KPNA7: variants seen among roughly 807,000 people sequenced by gnomAD.
KPNA7 encodes the protein importin subunit alpha-8.
Under a neutral mutation model 53.7 loss-of-function variants are expected in KPNA7, and 54 were observed. The ratio of observed to expected loss-of-function variants is 1.01; its 90% CI spans 0.81 to 1.26. The LOEUF is 1.26. Ranked by LOEUF, KPNA7 falls within the 50% of genes most tolerant of loss-of-function variation. KPNA7 has a pLI of 0.00. For synonymous variants in KPNA7, 276 were observed against 259.3 expected (o/e 1.06, Z -0.62); for missense variants, 640 against 644.5 (o/e 0.99, Z 0.07).
intron 10 of KPNA7, among the ~76,000 whole-genome samples, chr7:99,177,218 A>AG (rs965295854): frequency 1.3e-5 from 2 of 152,202 alleles, no homozygotes; most frequent in African/African-American, 4.8e-5. Context: ...TAAAAGGGCT[A>AG]GGGGAAAGGT....
intron 3 of KPNA7, among the ~76,000 whole-genome samples, chr7:99,201,511 A>C (rs1790532473): frequency 6.6e-6 from 1 of 151,664 alleles, no homozygotes; most frequent in Non-Finnish European, 1.5e-5. Flanking sequence ...AAAATACAAA[A>C]AATTAGTTGG....
In KPNA7 at chr7:99,181,005, CTCTCTCTCTGTGTGTGTG is replaced by C. The variant is rs1270266313; in HGVS notation, c.1317+860_1317+877del. Among the ~76,000 whole-genome samples the C allele has an allele frequency of 5.6e-4, 17 of 30,500 alleles. 2 individuals carry two copies. The highest frequency in any genetic ancestry group is 1.8e-3 in the African/African-American group (17 of 9,682). 20.0% of individuals were successfully genotyped at this position (30,500 alleles called of 152,430 possible). ...TGTGTCTCTCTCTCCCCGTCTGTCTCTCTCTCTCTGTGTGTGTGTCTCTCTGTGTGTGTCTCTCTCTCT... is the reference window on the plus strand; with the variant it reads ...TGTGTCTCTCTCTCCCCGTCTGTCTCTCTCTCTGTGTGTGTCTCTCTCTCT... On this transcript the variant is annotated intron_variant, in intron 9 of 10. Transcript: ENST00000327442.
intron 1 of KPNA7, among the ~76,000 whole-genome samples, chr7:99,217,347 A>G (rs1791240908): frequency 6.6e-6 from 1 of 152,186 alleles, no homozygotes; most frequent in South Asian, 2.1e-4. Flanking sequence ...CTGTATGTTC[A>G]GATCTGCATC....
chr7:99,195,054 A>C lies in KPNA7; in HGVS notation c.553+16T>G, dbSNP rs1790153837. 2 of 1,549,884 alleles carry C rather than the reference A, an allele frequency of 1.3e-6. No individual in the cohort carries two copies. The highest frequency in any genetic ancestry group is 8.7e-7 in the Non-Finnish European group (1 of 1,145,662). ...CCTGGCCCCGTTTTCTTAGCCCACT[A>C]AGGGGAGAGTCTCACCGGCTATATT... On this transcript the variant is annotated intron_variant, in intron 5 of 10. Coordinates refer to ENST00000327442, the MANE Select transcript of KPNA7 (RefSeq NM_001145715.3).
chr7:99,165,115 T>C, the KPNA7 span, among the ~76,000 whole-genome samples: 1 of 152,142 alleles, frequency 6.6e-6, no homozygotes, highest in Admixed American at 6.6e-5. Context: ...CACTCCAGCC[T>C]GGGCGACAGA....
At chr7:99,219,129 G>A (rs527272363) in intron 1 of KPNA7, among the ~76,000 whole-genome samples, 1 of 152,330 alleles carries the variant, frequency 6.6e-6, no homozygotes, top group South Asian at 2.1e-4. Flanking sequence ...AGCCCGCCCC[G>A]GGCAAGAGGC....
rs190721123 is a variant in KPNA7 at position 99,217,532 on chromosome 7, G to C, written c.-23-10043C>G. ...CACAAGCTGAGGCTAGCTGGGGTTG[G>C]GGGTGGAGAGGGAAGGTAAAGTGTC... is the stretch of plus-strand genomic sequence containing the variant. On this transcript the variant is annotated intron_variant, in intron 1 of 10. Coordinates refer to the KPNA7 transcript ENST00000681060. Among the ~76,000 whole-genome samples the C allele has an allele frequency of 1.8e-4, 28 of 152,118 alleles. 1 individual carries two copies. In the East Asian group the frequency reaches 5.4e-3, roughly 29 times the overall value.
the KPNA7 span, among the ~76,000 whole-genome samples, chr7:99,150,423 C>CTTTTTT: frequency 6.8e-5 from 9 of 132,432 alleles, 2 homozygotes; most frequent in Non-Finnish European, 1.1e-4. Context: ...TCATTCTTCT[C>CTTTTTT]TTTTTTTTGA....
rs111393769 is a variant in KPNA7, at chr7:99,201,662, C to CA, written c.201+1443dup. ...TGGGCGACAGAGTGAGACTCTGTCT[C>CA]AAAAAAAAAAAGCTAATATGGGACC... On this transcript the variant is annotated intron_variant, in intron 3 of 10. Transcript: ENST00000327442. Among the ~76,000 whole-genome samples the CA allele has an allele frequency of 7.5e-3, 916 of 122,866 alleles. 10 individuals carry two copies. The highest frequency in any genetic ancestry group is 0.022 in the African/African-American group (748 of 33,442). 80.6% of individuals were successfully genotyped at this position (122,866 alleles called of 152,430 possible).
chr7:99,166,346 G>A, the KPNA7 span, among the ~76,000 whole-genome samples: 1 of 151,970 alleles, frequency 6.6e-6, no homozygotes, highest in African/African-American at 2.4e-5. Context: ...TTTTGAGATG[G>A]TCTCCGTCAT....
chr7:99,208,588 T>G (rs1790938274), upstream of KPNA7, among the ~76,000 whole-genome samples: 1 of 151,346 alleles, frequency 6.6e-6, no homozygotes, highest in African/African-American at 2.4e-5. Context: ...TGTTTGTTTT[T>G]GTAGAGTCGG....
the KPNA7 span, among the ~76,000 whole-genome samples, chr7:99,146,756 A>C: frequency 1.4e-5 from 2 of 147,648 alleles, no homozygotes; most frequent in South Asian, 2.1e-4. Flanking sequence ...AAACAACGGA[A>C]AATGCATTTA....
intron 10 of KPNA7, among the ~76,000 whole-genome samples, chr7:99,176,104 C>T (rs375764264): frequency 5.1e-4 from 78 of 151,804 alleles, no homozygotes; most frequent in Middle Eastern, 3.4e-3. Flanking sequence ...CAAGACCATC[C>T]TGGCTAACAC....
the KPNA7 span, among the ~76,000 whole-genome samples, chr7:99,157,895 C>T: frequency 6.6e-6 from 1 of 152,130 alleles, no homozygotes; most frequent in Admixed American, 6.6e-5. Context: ...CCACCTCAGC[C>T]TCCTGAGTAG....
upstream of KPNA7, among the ~76,000 whole-genome samples, chr7:99,208,413 G>A (rs1428081301): frequency 4.6e-5 from 7 of 151,958 alleles, no homozygotes; most frequent in East Asian, 3.9e-4. Flanking sequence ...CTGCCACCAC[G>A]CTCAGCAAAT....
chr7:99,173,114 T>C (rs1005175172), downstream of KPNA7, among the ~76,000 whole-genome samples: 17 of 150,078 alleles, frequency 1.1e-4, no homozygotes, highest in Non-Finnish European at 2.1e-4. Flanking sequence ...CGGATAACTA[T>C]AAGACCATTC....
chr7:99,201,800 C>T (rs1431720185), intron 3 of KPNA7, among the ~76,000 whole-genome samples: 4 of 151,862 alleles, frequency 2.6e-5, no homozygotes, highest in Non-Finnish European at 4.4e-5. Flanking sequence ...CCTCTGCCTC[C>T]CAGGTTCAAG....
chr7:99,175,697 A>G (rs1017456644), intron 10 of KPNA7, among the ~76,000 whole-genome samples: 1 of 151,702 alleles, frequency 6.6e-6, no homozygotes, highest in Admixed American at 6.6e-5. Flanking sequence ...TATTTTTAGT[A>G]GAGACAGGGT....
intron 1 of KPNA7, among the ~76,000 whole-genome samples, chr7:99,219,143 T>C (rs1416294469): frequency 6.6e-6 from 1 of 152,214 alleles, no homozygotes; most frequent in Non-Finnish European, 1.5e-5. Flanking sequence ...AAGAGGCTGA[T>C]TGAGTTGGTC....
Sources: allele counts gnomAD v4.1 joint callset (sites outside exome capture counted in the v4.1 genomes callset), GRCh38; gene constraint gnomAD v4.1.1; transcripts MANE v1.5; gene names NCBI Gene and HGNC (gene_info 2026-07-23, HGNC 2026-07-21).